Variants in FOCAD observed in about 807,000 individuals in gnomAD.
FOCAD encodes the protein focadhesin.
FOCAD carries 198 observed loss-of-function variants against 225.6 expected under a neutral mutation model. The observed-to-expected ratio is 0.88, with a 90% CI of 0.78 to 0.99. The LOEUF is 0.99. FOCAD is among the 50% of genes least tolerant of loss of function. The probability of loss-of-function intolerance (pLI) is 0.00; values close to 1 mark genes in which losing one functional copy is unlikely to be tolerated. For synonymous variants in FOCAD, 897 were observed against 755.0 expected, an observed-to-expected ratio of 1.19 and a Z score of -3.08; for missense variants, 2,713 against 2,123.6, an observed-to-expected ratio of 1.28 and a Z score of -5.46.
intron 6 of FOCAD, among the ~76,000 whole-genome samples, chr9:20,764,627 G>T (rs1829901778): frequency 6.6e-6 from 1 of 152,208 alleles, no homozygotes; most frequent in Non-Finnish European, 1.5e-5. Context: ...AATAGAGACT[G>T]TCTTCATCCT....
chr9:20,792,837 TC>T (rs1820674616), intron 11 of FOCAD, among the ~76,000 whole-genome samples: 1 of 152,160 alleles, frequency 6.6e-6, no homozygotes, highest in South Asian at 2.1e-4. Context: ...TCATATATTA[TC>T]AAATGTAAAA....
chr9:20,933,905 G>A (rs1435161259), intron 28 of FOCAD, among the ~76,000 whole-genome samples: 1 of 151,826 alleles, frequency 6.6e-6, no homozygotes, highest in Non-Finnish European at 1.5e-5. Flanking sequence ...CCATTCTTGC[G>A]GGAGTGAGGT....
At position 20,931,600 on chromosome 9, in the gene FOCAD, G is replaced by A. The variant is rs190931055; in HGVS notation, c.3318-1414G>A. Among the ~76,000 whole-genome samples the A allele has an allele frequency of 3.9e-5, 6 of 152,248 alleles. No individual in the cohort carries two copies. In the East Asian group the frequency reaches 9.6e-4, roughly 24 times the overall value. On this transcript the variant is annotated intron_variant, in intron 27 of 43. Coordinates refer to ENST00000338382, the MANE Select transcript of FOCAD (RefSeq NM_001375567.1). Reference sequence around the variant, plus strand: ...AGTGACATCAAATGTGTCCCAATGTGGTCCTTTAATGGGAACAGAATTAGG... The same window carrying A: ...AGTGACATCAAATGTGTCCCAATGTAGTCCTTTAATGGGAACAGAATTAGG...
At chr9:20,770,454 T>G (rs1175614826) in intron 8 of FOCAD, among the ~76,000 whole-genome samples, 1 of 152,074 alleles carries the variant, frequency 6.6e-6, no homozygotes, top group African/African-American at 2.4e-5. Flanking sequence ...ATGGCTGGTG[T>G]AGGAGTGAGA....
At chr9:20,845,939 A>G (rs1256092160) in intron 15 of FOCAD, among the ~76,000 whole-genome samples, 1 of 152,146 alleles carries the variant, frequency 6.6e-6, no homozygotes, top group Non-Finnish European at 1.5e-5. Context: ...TGATGCATTG[A>G]AATAAATGTG....
At chr9:20,873,586 G>C (rs1471356231) in intron 18 of FOCAD, among the ~76,000 whole-genome samples, 1 of 152,082 alleles carries the variant, frequency 6.6e-6, no homozygotes, top group Admixed American at 6.6e-5. Flanking sequence ...ATCTTGTCTT[G>C]GACAGTGCTC....
At chr9:20,986,565 C>G (rs1026562299) in intron 40 of FOCAD, 100 bp downstream of exon 40, 1 of 1,108,394 alleles carries the variant, frequency 9.0e-7, no homozygotes, top group African/African-American at 1.6e-5. Context: ...TAGTTTAGTG[C>G]TTATTGACAC....
chr9:20,871,815 G>A (rs1164422080), intron 18 of FOCAD, among the ~76,000 whole-genome samples: 1 of 148,262 alleles, frequency 6.7e-6, no homozygotes, highest in Non-Finnish European at 1.5e-5. Flanking sequence ...GCTAAATGAC[G>A]AGTTAATGGG....
chr9:20,691,566 G>A (rs192989400), intron 1 of FOCAD, among the ~76,000 whole-genome samples: 61 of 147,650 alleles, frequency 4.1e-4, no homozygotes, highest in South Asian at 3.7e-3. Flanking sequence ...ACTGCAAGCC[G>A]CACCTCCCGG....
At chr9:20,820,845 T>G in intron 13 of FOCAD, 96 bp from the exon 14 acceptor site, 2 of 1,338,256 alleles carry the variant, frequency 1.5e-6, no homozygotes, top group Non-Finnish European at 2.1e-6. Flanking sequence ...GCAATGCAAA[T>G]GGAGGATTTG....
At chr9:20,960,657 C>T (rs1010635445) in intron 35 of FOCAD, among the ~76,000 whole-genome samples, 1 of 151,862 alleles carries the variant, frequency 6.6e-6, no homozygotes, top group African/African-American at 2.4e-5. Flanking sequence ...CATATGTATA[C>T]ATGTGCCATA....
At chr9:20,964,118 C>T (rs1339143183) in intron 35 of FOCAD, among the ~76,000 whole-genome samples, 1 of 152,058 alleles carries the variant, frequency 6.6e-6, no homozygotes, top group African/African-American at 2.4e-5. Context: ...GTAATCCCAG[C>T]ACTTTGGGAA....
chr9:20,954,371 A>G (rs987734573), intron 35 of FOCAD, among the ~76,000 whole-genome samples: 6 of 152,164 alleles, frequency 3.9e-5, no homozygotes, highest in Non-Finnish European at 7.3e-5. Flanking sequence ...TATTTCTGCT[A>G]TATTTTTTGT....
chr9:20,751,008 T>C (rs1011697195), intron 5 of FOCAD, among the ~76,000 whole-genome samples: 1 of 152,132 alleles, frequency 6.6e-6, no homozygotes, highest in Non-Finnish European at 1.5e-5. Flanking sequence ...TATTTTATTA[T>C]TGGTGAAGAA....
At chr9:20,873,094 G>A (rs1345079829) in intron 18 of FOCAD, among the ~76,000 whole-genome samples, 1 of 152,052 alleles carries the variant, frequency 6.6e-6, no homozygotes, top group Non-Finnish European at 1.5e-5. Flanking sequence ...CTGCATGAAT[G>A]TTTTGAGGCT....
chr9:20,749,579 C>T (rs1828361620), intron 5 of FOCAD, among the ~76,000 whole-genome samples: 2 of 152,054 alleles, frequency 1.3e-5, no homozygotes, highest in African/African-American at 2.4e-5. Flanking sequence ...AAATTCAGAG[C>T]AGGTAGAGAA....
chr9:20,795,568 G>A (rs1393597938), intron 11 of FOCAD, among the ~76,000 whole-genome samples: 6 of 151,834 alleles, frequency 4.0e-5, no homozygotes, highest in Admixed American at 1.3e-4. Flanking sequence ...GGCGGATCAC[G>A]AGGTCAGGAG....
intron 2 of FOCAD, among the ~76,000 whole-genome samples, chr9:20,664,758 C>T (rs1434976026): frequency 4.6e-5 from 7 of 151,316 alleles, no homozygotes; most frequent in Non-Finnish European, 7.4e-5. Context: ...GGATTACAGG[C>T]GTGAGCCATT....
At chr9:20,863,627 G>T (rs1350680603) in intron 16 of FOCAD, 1 of 151,770 alleles carries the variant, frequency 6.6e-6, no homozygotes, top group Non-Finnish European at 1.5e-5. Flanking sequence ...TTTTTTTAGG[G>T]TCTTAAAAAA....
Sources: gnomAD v4.1 joint callset for allele counts (sites outside exome capture counted in the v4.1 genomes callset) on GRCh38, gnomAD v4.1.1 for gene constraint, MANE v1.5 for transcripts, NCBI Gene and HGNC (gene_info 2026-07-23, HGNC 2026-07-21) for gene names.